FMN2: variants seen among roughly 807,000 people sequenced by gnomAD.
FMN2 encodes formin-2.
Under a neutral mutation model 142.3 loss-of-function variants are expected in FMN2, and 51 were observed. The ratio of observed to expected loss-of-function variants is 0.36; its 90% confidence interval spans 0.29 to 0.45. FMN2 has a LOEUF of 0.45. Ranked by LOEUF, FMN2 falls within the 20% of genes least tolerant of loss-of-function variation. FMN2 has a pLI of 1.00. For missense variants in FMN2, 1,936 were observed against 2,122.8 expected (o/e 0.91, Z 1.73); for synonymous variants, 882 against 869.8 (o/e 1.01, Z -0.25).
At chr1:240,373,550 C>T (rs568665612) in intron 14 of FMN2, among the ~76,000 whole-genome samples, 1 of 152,312 alleles carries the variant, frequency 6.6e-6, no homozygotes, top group African/African-American at 2.4e-5. Flanking sequence ...GCATCTTTAA[C>T]AGGAATAGAC....
chr1:240,168,005 T>G (rs191784482), intron 2 of FMN2, among the ~76,000 whole-genome samples: 2 of 152,162 alleles, frequency 1.3e-5, no homozygotes, highest in Admixed American at 1.3e-4. Context: ...GAGCCAAGAT[T>G]GCGCCACCGC....
At chr1:240,416,592 C>G (rs1313565760) in intron 15 of FMN2, among the ~76,000 whole-genome samples, 2 of 152,034 alleles carry the variant, frequency 1.3e-5, no homozygotes, top group Admixed American at 6.6e-5. Context: ...TTCTTTGTAG[C>G]CAATCTTCTC....
chr1:240,388,811 G>A (rs375713511), intron 14 of FMN2, among the ~76,000 whole-genome samples: 10 of 144,708 alleles, frequency 6.9e-5, no homozygotes, highest in South Asian at 2.3e-4. Context: ...GCAGTGAGCC[G>A]AGATCTCGCC....
At chr1:240,410,011 A>G (rs1015411679) in intron 15 of FMN2, among the ~76,000 whole-genome samples, 1 of 152,184 alleles carries the variant, frequency 6.6e-6, no homozygotes, top group African/African-American at 2.4e-5. Context: ...TTTTAAAGAA[A>G]ATGTCAAAAT....
intron 14 of FMN2, 152 bp from the exon 15 acceptor site, chr1:240,392,359 C>T (rs925972621): frequency 8.0e-6 from 4 of 500,178 alleles, no homozygotes; most frequent in Non-Finnish European, 1.1e-5. Context: ...AATCATGTAT[C>T]TATGACATCC....
rs1425967506 is a variant in FMN2 at position 240,207,421 on chromosome 1, T to G, written c.2609T>G (p.Met870Arg). 3.1e-6 allele frequency: 5 copies of G among 1,613,784 alleles called. No homozygotes were observed. Among genetic ancestry groups the G allele is most frequent in the Non-Finnish European group, 4.2e-6 (5 of 1,179,862 alleles). The change falls in exon 5 of 18, where the codon ATG (methionine) becomes AGG (arginine). Residue 870 changes from methionine to arginine, a missense_variant. Transcript: ENST00000319653. ...PLPCTESSSS[M>R]PGLGMVPPPP... The stretch of plus-strand genomic sequence containing the variant: ...CCTTGCACAGAGTCCTCCAGCTCCA[T>G]GCCTGGCCTGGGCATGGTGCCTCCC...
At chr1:240,458,918 G>A (rs763134589) in intron 16 of FMN2, 7 of 152,130 alleles carry the variant, frequency 4.6e-5, no homozygotes, top group East Asian at 3.9e-4. Flanking sequence ...ACCAAAGGGC[G>A]TATCAAGTGA....
At chr1:240,216,141 C>G (rs959644170) in intron 6 of FMN2, among the ~76,000 whole-genome samples, 1 of 152,196 alleles carries the variant, frequency 6.6e-6, no homozygotes, top group Non-Finnish European at 1.5e-5. Context: ...GTAAGAGCCA[C>G]TTGCTTGTGT....
chr1:240,368,744 C>CA (rs1186362564), intron 14 of FMN2, among the ~76,000 whole-genome samples: 2 of 152,004 alleles, frequency 1.3e-5, no homozygotes, highest in East Asian at 3.8e-4. Flanking sequence ...TGTCATTTCA[C>CA]AAAGGGGCAT....
intron 16 of FMN2, among the ~76,000 whole-genome samples, chr1:240,470,690 A>T (rs1015380467): frequency 6.6e-6 from 1 of 152,178 alleles, no homozygotes. Context: ...TATAAGGTCT[A>T]TATGAAATGC....
intron 14 of FMN2, among the ~76,000 whole-genome samples, chr1:240,386,092 C>A (rs1160689547): frequency 3.3e-5 from 5 of 152,218 alleles, no homozygotes; most frequent in Admixed American, 6.5e-5. Flanking sequence ...ATTTCTCTTG[C>A]AGTCTAAGGA....
At position 240,225,062 on chromosome 1, in the gene FMN2, G is replaced by A. The variant is rs189412841; in HGVS notation, c.4065+13827G>A. ...ATGTTCATCAAAAAGATCTGTCTAT[G>A]GGACTATTGGGTCAGTTTCAATACC... On this transcript the variant is annotated intron_variant, in intron 6 of 17. Transcript: ENST00000319653. 2.7e-3 allele frequency among the ~76,000 whole-genome samples: 413 copies of A among 152,272 alleles called. 3 individuals are homozygous for A. The South Asian group carries it at 0.027, about 10-fold the overall frequency.
chr1:240,380,622 T>C (rs1474311329), intron 14 of FMN2, among the ~76,000 whole-genome samples: 1 of 150,910 alleles, frequency 6.6e-6, no homozygotes, highest in African/African-American at 2.4e-5. Context: ...ATTAAATGCC[T>C]ACATAAAAAA....
At chr1:240,365,820 C>T (rs565350332) in intron 14 of FMN2, among the ~76,000 whole-genome samples, 7 of 152,286 alleles carry the variant, frequency 4.6e-5, no homozygotes, top group Non-Finnish European at 8.8e-5. Flanking sequence ...GCTGGCAACA[C>T]TGTTACTCAT....
chr1:240,417,605 A>G, intron 15 of FMN2, among the ~76,000 whole-genome samples: 1 of 150,678 alleles, frequency 6.6e-6, no homozygotes, highest in South Asian at 2.1e-4. Flanking sequence ...CAGCATGGGA[A>G]TTTCTTTCTC....
intron 15 of FMN2, among the ~76,000 whole-genome samples, chr1:240,398,756 C>T (rs1673875706): frequency 6.6e-6 from 1 of 152,130 alleles, no homozygotes; most frequent in African/African-American, 2.4e-5. Context: ...GCTCTATGAC[C>T]TTAGACCAAT....
intron 15 of FMN2, among the ~76,000 whole-genome samples, chr1:240,413,102 G>A (rs1464307309): frequency 2.9e-5 from 3 of 102,186 alleles, no homozygotes; most frequent in East Asian, 3.5e-4. Flanking sequence ...CAGCCTGGGC[G>A]ACAAAGCGAG....
chr1:240,144,634 T>C, intron 2 of FMN2: 1 of 1,288,074 alleles, frequency 7.8e-7, no homozygotes, highest in South Asian at 1.2e-5. Context: ...CACAACGCAG[T>C]AGGACTGAGT....
At chr1:240,183,106 T>C (rs545958695) in intron 3 of FMN2, among the ~76,000 whole-genome samples, 4 of 151,710 alleles carry the variant, frequency 2.6e-5, no homozygotes, top group East Asian at 1.9e-4. Context: ...TTTGTAGATA[T>C]GAGGTTTTGT....
Sources: gnomAD v4.1 joint callset for allele counts (sites outside exome capture counted in the v4.1 genomes callset) on GRCh38, gnomAD v4.1.1 for gene constraint, MANE v1.5 for transcripts, NCBI Gene and HGNC (gene_info 2026-07-23, HGNC 2026-07-21) for gene names.